The following ARL15 variants were observed in gnomAD, a reference collection of about 807,000 sequenced individuals.
ARL15 encodes the protein ARF like GTPase 15.
In ARL15, 19 loss-of-function variants were observed where a neutral mutation model predicts 25.2. That is an observed-to-expected ratio of 0.75 (90% confidence interval 0.53 to 1.10). ARL15 has a LOEUF of 1.10. ARL15 is among the 50% of genes least tolerant of loss of function. The pLI is 0.00. For synonymous variants in ARL15, 94 were observed against 86.8 expected, an observed-to-expected ratio of 1.08 and a Z score of -0.46; for missense variants, 220 against 246.0, an observed-to-expected ratio of 0.89 and a Z score of 0.71.
rs184050392 is a variant in ARL15 at position 53,925,239 on chromosome 5, G to A, written c.463-38526C>T. Among the ~76,000 whole-genome samples, 60 of 149,280 alleles carry A rather than the reference G, an allele frequency of 4.0e-4. 1 individual carries two copies. The East Asian group carries it at 9.8e-3, about 24-fold the overall frequency. ...TGAGAAGGTGTCTCACTCTGTCACC[G>A]ACGCTGGAGTGCAGTGGTGCAATCA... On this transcript the variant is annotated intron_variant, in intron 4 of 4. Transcript: ENST00000504924.
At chr5:54,292,838 G>A (rs557779898) in intron 1 of ARL15, among the ~76,000 whole-genome samples, 43 of 152,088 alleles carry the variant, frequency 2.8e-4, no homozygotes, top group Non-Finnish European at 4.9e-4. Context: ...ATACTAGCCC[G>A]AGGCTAGCAA....
At chr5:54,123,158 G>C (rs1377965920) in intron 3 of ARL15, among the ~76,000 whole-genome samples, 1 of 147,400 alleles carries the variant, frequency 6.8e-6, no homozygotes. Flanking sequence ...TGCGCAGGCT[G>C]GAGTGCAATG....
chr5:54,149,190 A>C (rs1034849847), intron 3 of ARL15, among the ~76,000 whole-genome samples: 7 of 152,230 alleles, frequency 4.6e-5, no homozygotes, highest in African/African-American at 1.7e-4. Flanking sequence ...GCAATGATAG[A>C]AGAGATTTTT....
At chr5:54,162,905 C>G (rs1488828662) in intron 2 of ARL15, among the ~76,000 whole-genome samples, 3 of 152,058 alleles carry the variant, frequency 2.0e-5, no homozygotes, top group Non-Finnish European at 2.9e-5. Context: ...TTTTTCTTGC[C>G]TGATTTACTG....
rs1293104336 is a variant in ARL15 at position 54,249,659 on chromosome 5, T to C, written c.48+60773A>G. Among the ~76,000 whole-genome samples the C allele has an allele frequency of 2.7e-5, 4 of 145,888 alleles. No individual in the cohort carries two copies. In the South Asian group the frequency reaches 6.6e-4, roughly 24 times the overall value. On this transcript the variant is annotated intron_variant, in intron 1 of 4. Coordinates refer to ENST00000504924, the MANE Select transcript of ARL15 (RefSeq NM_019087.3). ...TGAGAGTAAGAAAGGAGAAGTGTGG[T>C]TGTGGTTAAGAGCAAAAAAAAAAAA...
At chr5:54,209,854 T>C (rs1755986319) in intron 1 of ARL15, among the ~76,000 whole-genome samples, 1 of 152,190 alleles carries the variant, frequency 6.6e-6, no homozygotes, top group African/African-American at 2.4e-5. Flanking sequence ...TATTTATTCA[T>C]AGCCTATCTT....
At chr5:54,297,234 G>T (rs1422946316) in intron 1 of ARL15, among the ~76,000 whole-genome samples, 1 of 152,222 alleles carries the variant, frequency 6.6e-6, no homozygotes, top group African/African-American at 2.4e-5. Flanking sequence ...GGACTCAGTT[G>T]CTGTCTGGAT....
chr5:53,997,273 C>T (rs1387763348), intron 4 of ARL15, among the ~76,000 whole-genome samples: 5 of 152,018 alleles, frequency 3.3e-5, no homozygotes, highest in Non-Finnish European at 7.4e-5. Flanking sequence ...ACTCTGGGCT[C>T]GTCGTTCTTC....
At chr5:54,220,414 T>G (rs550849382) in intron 1 of ARL15, among the ~76,000 whole-genome samples, 1 of 152,296 alleles carries the variant, frequency 6.6e-6, no homozygotes, top group Admixed American at 6.5e-5. Flanking sequence ...TTAATCTAAG[T>G]GGAGTCAGCT....
intron 1 of ARL15, among the ~76,000 whole-genome samples, chr5:54,228,610 T>G (rs1756588247): frequency 6.6e-6 from 1 of 151,392 alleles, no homozygotes; most frequent in South Asian, 2.1e-4. Context: ...CAATAAAAAT[T>G]TATAGCTATC....
chr5:54,019,850 G>C (rs1749539447), intron 4 of ARL15, among the ~76,000 whole-genome samples: 1 of 152,142 alleles, frequency 6.6e-6, no homozygotes, highest in African/African-American at 2.4e-5. Context: ...TAAAAAACCA[G>C]ACCTATACTT....
At position 53,961,839 on chromosome 5, in the gene ARL15, A is replaced by G. The variant is rs75140524; in HGVS notation, c.463-75126T>C. Among the ~76,000 whole-genome samples the G allele has an allele frequency of 4.6e-3, 700 of 152,324 alleles. 7 individuals are homozygous for G. The highest frequency in any genetic ancestry group is 0.014 in the African/African-American group (585 of 41,578). Reference sequence around the variant, plus strand: ...TGTATGTCTATAATATACACAAAACAACCCATATTGTTCAGACTTCTATAG... The same window carrying G: ...TGTATGTCTATAATATACACAAAACGACCCATATTGTTCAGACTTCTATAG... On this transcript the variant is annotated intron_variant, in intron 4 of 4. Transcript: ENST00000504924.
intron 4 of ARL15, among the ~76,000 whole-genome samples, chr5:54,011,913 G>A (rs1392202782): frequency 6.6e-6 from 1 of 152,030 alleles, no homozygotes; most frequent in Non-Finnish European, 1.5e-5. Context: ...GGAGGCTGTG[G>A]CAAGAGAATT....
At chr5:53,925,938 G>T (rs1477414576) in intron 4 of ARL15, among the ~76,000 whole-genome samples, 1 of 151,318 alleles carries the variant, frequency 6.6e-6, no homozygotes, top group Non-Finnish European at 1.5e-5. Flanking sequence ...TGAAACAAGG[G>T]TTGGGGTCTA....
intron 4 of ARL15, among the ~76,000 whole-genome samples, chr5:54,059,135 C>T (rs905012919): frequency 3.9e-5 from 6 of 152,138 alleles, no homozygotes; most frequent in Admixed American, 6.5e-5. Context: ...AATCTGTACC[C>T]GCAAATTGCT....
chr5:54,220,664 C>T (rs1449052554), intron 1 of ARL15, among the ~76,000 whole-genome samples: 1 of 152,186 alleles, frequency 6.6e-6, no homozygotes, highest in Non-Finnish European at 1.5e-5. Flanking sequence ...ACGCCGCATG[C>T]TAGTTCCACT....
intron 3 of ARL15, among the ~76,000 whole-genome samples, chr5:54,139,067 A>C (rs993392228): frequency 9.2e-5 from 14 of 152,192 alleles, no homozygotes; most frequent in African/African-American, 3.1e-4. Context: ...CGCTGGTGGG[A>C]ATGTAAATTA....
chr5:54,065,095 G>C (rs1379496134), intron 4 of ARL15, among the ~76,000 whole-genome samples: 2 of 152,158 alleles, frequency 1.3e-5, no homozygotes, highest in African/African-American at 4.8e-5. Context: ...GGATCTGTAA[G>C]CTATTTCTAG....
chr5:53,989,465 T>C (rs1463911069), intron 4 of ARL15, among the ~76,000 whole-genome samples: 1 of 152,116 alleles, frequency 6.6e-6, no homozygotes, highest in Non-Finnish European at 1.5e-5. Context: ...AAAATGTGAG[T>C]CAATAATCAC....
Sources: allele counts gnomAD v4.1 joint callset (sites outside exome capture counted in the v4.1 genomes callset), GRCh38; gene constraint gnomAD v4.1.1; transcripts MANE v1.5; gene names NCBI Gene and HGNC (gene_info 2026-07-23, HGNC 2026-07-21).